The following DCC variants were observed in gnomAD, a reference collection of about 807,000 sequenced individuals.
DCC encodes netrin receptor DCC.
Under a neutral mutation model 172.5 loss-of-function variants are expected in DCC, and 58 were observed. The observed-to-expected ratio is 0.34, with a 90% CI of 0.27 to 0.42. DCC has a LOEUF of 0.42. Ranked by LOEUF, DCC falls within the 10% of genes least tolerant of loss-of-function variation. The pLI, the probability that DCC is intolerant of heterozygous loss-of-function variation, is 1.00. For synonymous variants in DCC, 709 were observed against 644.5 expected (o/e 1.10, Z -1.52); for missense variants, 1,740 against 1,791.0 (o/e 0.97, Z 0.51).
chr18:52,607,339 CA>C (rs1483762897), intron 1 of DCC, among the ~76,000 whole-genome samples: 2 of 152,052 alleles, frequency 1.3e-5, no homozygotes, highest in East Asian at 3.8e-4. Context: ...TCCTTGTGCC[CA>C]GGATATTAGA....
intron 1 of DCC, among the ~76,000 whole-genome samples, chr18:52,493,648 CT>C (rs2030614468): frequency 2.0e-5 from 3 of 151,774 alleles, no homozygotes; most frequent in Non-Finnish European, 4.4e-5. Flanking sequence ...CATTTCATAC[CT>C]TTTTAAAATT....
chr18:53,041,190 A>T (rs1256477196), intron 5 of DCC, among the ~76,000 whole-genome samples: 2 of 152,042 alleles, frequency 1.3e-5, no homozygotes, highest in Non-Finnish European at 2.9e-5. Flanking sequence ...TAATTTTTGT[A>T]TAAGATGTAA....
intron 1 of DCC, among the ~76,000 whole-genome samples, chr18:52,568,782 G>A (rs2033224919): frequency 6.6e-6 from 1 of 151,820 alleles, no homozygotes; most frequent in Non-Finnish European, 1.5e-5. Flanking sequence ...TGCAAGGTGT[G>A]GTCTCTGCAA....
At chr18:53,123,156 T>C (rs993328319) in intron 7 of DCC, among the ~76,000 whole-genome samples, 5 of 152,066 alleles carry the variant, frequency 3.3e-5, no homozygotes, top group African/African-American at 9.7e-5. Flanking sequence ...TACAAAAATG[T>C]ATGTGCAATA....
chr18:53,397,772 C>G (rs868624781), intron 18 of DCC, among the ~76,000 whole-genome samples: 2 of 152,060 alleles, frequency 1.3e-5, no homozygotes, highest in Non-Finnish European at 2.9e-5. Flanking sequence ...TGGTCCAAAA[C>G]AGTTGTGTCT....
chr18:52,428,598 C>A (rs1987520347), intron 1 of DCC, among the ~76,000 whole-genome samples: 1 of 151,990 alleles, frequency 6.6e-6, no homozygotes. Context: ...TTAATTGTAC[C>A]ATTTACTGAT....
chr18:53,459,700 G>A (rs1336007965), intron 24 of DCC, among the ~76,000 whole-genome samples: 1 of 152,022 alleles, frequency 6.6e-6, no homozygotes, highest in Non-Finnish European at 1.5e-5. Context: ...AATTTTCTAT[G>A]AGGTTGGAAG....
chr18:53,305,043 C>T (rs1255785858), intron 12 of DCC, among the ~76,000 whole-genome samples: 1 of 152,156 alleles, frequency 6.6e-6, no homozygotes, highest in Non-Finnish European at 1.5e-5. Flanking sequence ...CCCCTACACA[C>T]GTTCCCTTGC....
chr18:52,761,395 G>A (rs146034090), intron 2 of DCC, among the ~76,000 whole-genome samples: 51 of 152,240 alleles, frequency 3.3e-4, no homozygotes, highest in African/African-American at 1.2e-3. Context: ...GCCTATCATT[G>A]CTAAATTTGC....
At chr18:53,168,135 C>G (rs967796605) in intron 8 of DCC, among the ~76,000 whole-genome samples, 9 of 152,088 alleles carry the variant, frequency 5.9e-5, no homozygotes, top group African/African-American at 1.9e-4. Context: ...ATTAGTTCAG[C>G]CATTGTGGAA....
intron 1 of DCC, among the ~76,000 whole-genome samples, chr18:52,546,065 A>G (rs1353525701): frequency 6.6e-6 from 1 of 152,192 alleles, no homozygotes; most frequent in Non-Finnish European, 1.5e-5. Flanking sequence ...AATTTCTAAC[A>G]AACCAAAACA....
chr18:52,870,538 G>A lies in DCC; in HGVS notation c.413-35506G>A, dbSNP rs115215303. On this transcript the variant is annotated intron_variant, in intron 2 of 28. Coordinates refer to ENST00000442544, the MANE Select transcript of DCC (RefSeq NM_005215.4). ...CTAAATAATACCAGCCATTATTCCG[G>A]AGGCCGTAGGATTCACAACTTCCCC... Among the ~76,000 whole-genome samples, 565 of 152,258 alleles carry A rather than the reference G, an allele frequency of 3.7e-3. 1 individual carries two copies. Among genetic ancestry groups the A allele is most frequent in the African/African-American group, 0.013 (520 of 41,544 alleles).
At chr18:52,546,941 A>G (rs374696723) in intron 1 of DCC, among the ~76,000 whole-genome samples, 15 of 152,228 alleles carry the variant, frequency 9.9e-5, no homozygotes, top group East Asian at 5.8e-4. Flanking sequence ...ACGGGCAGCT[A>G]ATAGAGATAT....
chr18:52,616,821 C>T (rs913899259), intron 1 of DCC, among the ~76,000 whole-genome samples: 4 of 152,026 alleles, frequency 2.6e-5, no homozygotes, highest in Non-Finnish European at 5.9e-5. Context: ...GGACTCTAGA[C>T]AGAAGTTGGA....
At chr18:52,788,467 A>G (rs932684985) in intron 2 of DCC, among the ~76,000 whole-genome samples, 3 of 152,178 alleles carry the variant, frequency 2.0e-5, no homozygotes, top group African/African-American at 7.2e-5. Flanking sequence ...CAAGCCTAGT[A>G]TCTAAGTGGT....
At chr18:53,444,484 A>G (rs902162610) in intron 22 of DCC, among the ~76,000 whole-genome samples, 16 of 152,162 alleles carry the variant, frequency 1.1e-4, no homozygotes, top group African/African-American at 3.6e-4. Flanking sequence ...GAGTGACAGA[A>G]CGAGAGTCTG....
chr18:52,906,644 TCA>T (rs1331939557), intron 3 of DCC, among the ~76,000 whole-genome samples: 1 of 152,124 alleles, frequency 6.6e-6, no homozygotes, highest in African/African-American at 2.4e-5. Context: ...ACATATTATT[TCA>T]TTTTCCTCTG....
rs571635176 is a variant in DCC, at chr18:52,887,360, CAT to C, written c.413-18681_413-18680del. Among the ~76,000 whole-genome samples the C allele has an allele frequency of 4.6e-5, 7 of 151,676 alleles. No homozygotes were observed. The South Asian group carries it at 1.5e-3, about 32-fold the overall frequency. ...GTATTTGCAGAAATGGAGAGCCAAA[CAT>C]ATTATTTTCTATCCTTTGTGCTGCC... On this transcript the variant is annotated intron_variant, in intron 2 of 28. Coordinates refer to ENST00000442544, the MANE Select transcript of DCC (RefSeq NM_005215.4).
intron 7 of DCC, among the ~76,000 whole-genome samples, chr18:53,141,369 T>C (rs917141433): frequency 2.0e-5 from 3 of 152,198 alleles, no homozygotes; most frequent in Non-Finnish European, 4.4e-5. Context: ...GACCAGAATA[T>C]ATGTAAAGTG....
Sources: gnomAD v4.1 joint callset for allele counts (sites outside exome capture counted in the v4.1 genomes callset) on GRCh38, gnomAD v4.1.1 for gene constraint, MANE v1.5 for transcripts, NCBI Gene and HGNC (gene_info 2026-07-23, HGNC 2026-07-21) for gene names.